SLC9A9: variants seen among roughly 807,000 people sequenced by gnomAD.
SLC9A9 encodes solute carrier family 9 member A9, also known as sodium/hydrogen exchanger 9.
Under a neutral mutation model 77.8 loss-of-function variants are expected in SLC9A9, and 62 were observed. The ratio of observed to expected loss-of-function variants is 0.80; its 90% CI spans 0.65 to 0.98. The LOEUF (loss-of-function observed/expected upper bound fraction) is 0.98, where lower values mean the gene tolerates loss of function less well. SLC9A9 is among the 50% of genes least tolerant of loss of function. The pLI is 0.00. For synonymous variants in SLC9A9, 320 were observed against 283.5 expected, an observed-to-expected ratio of 1.13 and a Z score of -1.29; for missense variants, 775 against 774.9, an observed-to-expected ratio of 1.00 and a Z score of 0.00.
At chr3:143,493,608 T>C (rs1256859997) in intron 11 of SLC9A9, 45 bp downstream of exon 11, 2 of 1,541,234 alleles carry the variant, frequency 1.3e-6, no homozygotes, top group Admixed American at 1.7e-5. Context: ...TTCTGTAAAA[T>C]TGTGAGAAAA....
intron 9 of SLC9A9, among the ~76,000 whole-genome samples, chr3:143,520,748 AGTCT>A: frequency 6.6e-6 from 1 of 152,326 alleles, no homozygotes; most frequent in South Asian, 2.1e-4. Flanking sequence ...GTCTGACTCC[AGTCT>A]GTGCTCTTAA....
At chr3:143,566,748 G>A (rs942879041) in intron 8 of SLC9A9, among the ~76,000 whole-genome samples, 1 of 152,106 alleles carries the variant, frequency 6.6e-6, no homozygotes, top group African/African-American at 2.4e-5. Flanking sequence ...GCAATGCCTG[G>A]AAGCAGGGAA....
chr3:143,359,150 G>C (rs987584109), intron 14 of SLC9A9, among the ~76,000 whole-genome samples: 1 of 152,200 alleles, frequency 6.6e-6, no homozygotes, highest in Non-Finnish European at 1.5e-5. Flanking sequence ...CTACATCAAT[G>C]CCTGAAATGA....
intron 1 of SLC9A9, among the ~76,000 whole-genome samples, chr3:143,837,230 C>T (rs565859706): frequency 3.0e-4 from 46 of 152,284 alleles, no homozygotes; most frequent in African/African-American, 1.0e-3. Flanking sequence ...ACAACTCTGG[C>T]CAGATCGCTT....
At position 143,732,531 on chromosome 3, in the gene SLC9A9, G is replaced by A. The variant is rs11918819; in HGVS notation, c.534-39224C>T. ...TTTCTACAATGTTGCCTTCAGTTGC[G>A]CGTGTGACTGTCTCAATGAGACCCA... On this transcript the variant is annotated intron_variant, in intron 4 of 15. Coordinates refer to ENST00000316549, the MANE Select transcript of SLC9A9 (RefSeq NM_173653.4). Among the ~76,000 whole-genome samples, 535 of 152,264 alleles carry A rather than the reference G, an allele frequency of 3.5e-3. 5 individuals carry two copies. The highest frequency in any genetic ancestry group is 0.012 in the African/African-American group (500 of 41,542).
chr3:143,391,162 G>T (rs570243362), intron 12 of SLC9A9, among the ~76,000 whole-genome samples: 1 of 152,350 alleles, frequency 6.6e-6, no homozygotes, highest in South Asian at 2.1e-4. Flanking sequence ...CCTCAAGTGG[G>T]TCCCTGACCC....
intron 14 of SLC9A9, among the ~76,000 whole-genome samples, chr3:143,347,983 TC>T (rs2032340742): frequency 6.6e-6 from 1 of 151,948 alleles, no homozygotes; most frequent in African/African-American, 2.4e-5. Flanking sequence ...TAAAACCAGC[TC>T]AGTCGAAAGC....
intron 8 of SLC9A9, among the ~76,000 whole-genome samples, chr3:143,573,115 C>G (rs6784124): frequency 6.6e-6 from 1 of 152,064 alleles, no homozygotes; most frequent in Non-Finnish European, 1.5e-5. Context: ...AATGAAATCA[C>G]CTATGAAAGA....
intron 12 of SLC9A9, among the ~76,000 whole-genome samples, chr3:143,456,604 G>A (rs541836791): frequency 8.8e-5 from 13 of 147,396 alleles, no homozygotes; most frequent in Middle Eastern, 6.9e-3. Context: ...TCACTCTGTC[G>A]CCCAGGCTGG....
intron 4 of SLC9A9, among the ~76,000 whole-genome samples, chr3:143,793,642 G>T (rs956930487): frequency 1.3e-5 from 2 of 152,200 alleles, no homozygotes; most frequent in Non-Finnish European, 2.9e-5. Flanking sequence ...GAGGGTGAAG[G>T]CCTGCTGGAT....
chr3:143,355,535 G>A (rs888682030), intron 14 of SLC9A9, among the ~76,000 whole-genome samples: 3 of 152,178 alleles, frequency 2.0e-5, no homozygotes, highest in African/African-American at 7.2e-5. Flanking sequence ...GGCTATAATA[G>A]CAAATCAATA....
intron 14 of SLC9A9, among the ~76,000 whole-genome samples, chr3:143,279,819 C>A (rs540556294): frequency 6.6e-6 from 1 of 152,028 alleles, no homozygotes; most frequent in Non-Finnish European, 1.5e-5. Flanking sequence ...CTTAGAGCAG[C>A]CTTTGTTTTT....
intron 8 of SLC9A9, among the ~76,000 whole-genome samples, chr3:143,558,053 GC>G (rs1328288686): frequency 5.3e-5 from 8 of 152,198 alleles, no homozygotes; most frequent in East Asian, 1.9e-4. Context: ...CTGGCCCAGG[GC>G]CCCCCTGCTC....
chr3:143,829,113 T>A (rs578247717), intron 2 of SLC9A9, among the ~76,000 whole-genome samples: 63 of 152,326 alleles, frequency 4.1e-4, no homozygotes, highest in Non-Finnish European at 7.6e-4. Context: ...TTTGCCCATC[T>A]ATGAAATGAT....
chr3:143,306,092 C>A (rs954503033), intron 14 of SLC9A9, among the ~76,000 whole-genome samples: 1 of 151,864 alleles, frequency 6.6e-6, no homozygotes, highest in African/African-American at 2.4e-5. Flanking sequence ...GTGAGACTGA[C>A]AAATATGAAC....
intron 14 of SLC9A9, among the ~76,000 whole-genome samples, chr3:143,344,891 CTT>C (rs1452936621): frequency 6.6e-6 from 1 of 152,064 alleles, no homozygotes; most frequent in Non-Finnish European, 1.5e-5. Flanking sequence ...TCTTTAAAAA[CTT>C]TCAACCAAAT....
chr3:143,760,779 T>G (rs978660791), intron 4 of SLC9A9, among the ~76,000 whole-genome samples: 1 of 152,092 alleles, frequency 6.6e-6, no homozygotes, highest in East Asian at 1.9e-4. Flanking sequence ...AGGTAATTTA[T>G]AGATTCAATG....
chr3:143,434,978 G>T (rs965298411), intron 12 of SLC9A9, among the ~76,000 whole-genome samples: 9 of 152,042 alleles, frequency 5.9e-5, no homozygotes, highest in Admixed American at 3.3e-4. Context: ...AATCTACCTT[G>T]TCTGCAGCCC....
chr3:143,515,223 T>G (rs73146754), intron 9 of SLC9A9, among the ~76,000 whole-genome samples: 13,534 of 152,260 alleles, frequency 0.089, 717 homozygotes, highest in Admixed American at 0.13. Context: ...TGGTTCATAA[T>G]GCCCCTAAAT....
Sources: allele counts gnomAD v4.1 joint callset (sites outside exome capture counted in the v4.1 genomes callset), GRCh38; gene constraint gnomAD v4.1.1; transcripts MANE v1.5; gene names NCBI Gene and HGNC (gene_info 2026-07-23, HGNC 2026-07-21).